UTRN: variants seen among roughly 807,000 people sequenced by gnomAD.
UTRN encodes dystrophin-related protein 1.
In UTRN, 283 loss-of-function variants were observed where a neutral mutation model predicts 463.9. The ratio of observed to expected loss-of-function variants is 0.61; its 90% CI spans 0.55 to 0.67. The LOEUF (loss-of-function observed/expected upper bound fraction) is 0.67, where lower values mean the gene tolerates loss of function less well. UTRN is among the 30% of genes least tolerant of loss of function. UTRN has a pLI of 0.00. For synonymous variants in UTRN, 1,442 were observed against 1,431.5 expected, an observed-to-expected ratio of 1.01 and a Z score of -0.17; for missense variants, 3,922 against 4,084.3, an observed-to-expected ratio of 0.96 and a Z score of 1.08.
chr6:144,448,394 A>T (rs1787905833), intron 16 of UTRN, among the ~76,000 whole-genome samples: 1 of 152,146 alleles, frequency 6.6e-6, no homozygotes, highest in African/African-American at 2.4e-5. Context: ...GGAGTGGGGA[A>T]TGGGGAGTGT....
chr6:144,556,924 A>T (rs1184064638), intron 49 of UTRN, among the ~76,000 whole-genome samples: 1 of 152,242 alleles, frequency 6.6e-6, no homozygotes. Context: ...AATGATAATA[A>T]TCTTGTAATA....
intron 54 of UTRN, among the ~76,000 whole-genome samples, chr6:144,732,342 CAT>C (rs1352750553): frequency 6.7e-6 from 1 of 149,954 alleles, no homozygotes; most frequent in East Asian, 2.0e-4. Flanking sequence ...CGTACATACT[CAT>C]GTGCACACAC....
At chr6:144,572,269 T>C (rs933791092) in intron 50 of UTRN, among the ~76,000 whole-genome samples, 1 of 152,142 alleles carries the variant, frequency 6.6e-6, no homozygotes, top group Non-Finnish European at 1.5e-5. Flanking sequence ...GCTTCTCATA[T>C]CTTCCTCCTT....
chr6:144,542,444 G>A (rs1798058133), intron 45 of UTRN, among the ~76,000 whole-genome samples: 1 of 152,122 alleles, frequency 6.6e-6, no homozygotes, highest in South Asian at 2.1e-4. Flanking sequence ...TGATGGATGG[G>A]CAGAGGAAAA....
chr6:144,345,431 T>C (rs1777484468), intron 2 of UTRN, among the ~76,000 whole-genome samples: 1 of 152,060 alleles, frequency 6.6e-6, no homozygotes, highest in African/African-American at 2.4e-5. Context: ...TCCAAGCACT[T>C]TGGGAGGCTG....
At chr6:144,398,071 G>C (rs976348960) in intron 2 of UTRN, 2 of 242,626 alleles carry the variant, frequency 8.2e-6, no homozygotes, top group East Asian at 1.0e-4. Context: ...TATGGCGTCC[G>C]TGCTCTGGAA....
chr6:144,825,975 C>T (rs1245991440), intron 66 of UTRN, among the ~76,000 whole-genome samples: 1 of 129,422 alleles, frequency 7.7e-6, no homozygotes, highest in Non-Finnish European at 1.5e-5. Flanking sequence ...GGAAGGGGAA[C>T]ATCACACACC....
At chr6:144,723,725 G>A (rs1181022380) in intron 53 of UTRN, among the ~76,000 whole-genome samples, 1 of 151,992 alleles carries the variant, frequency 6.6e-6, no homozygotes, top group Non-Finnish European at 1.5e-5. Context: ...AATTAGGCTG[G>A]GTGCAGTGGC....
intron 35 of UTRN, among the ~76,000 whole-genome samples, chr6:144,511,906 T>C (rs1176688397): frequency 6.6e-6 from 1 of 152,174 alleles, no homozygotes; most frequent in Non-Finnish European, 1.5e-5. Flanking sequence ...AATTCTGAAA[T>C]ACCTGAGATA....
intron 2 of UTRN, among the ~76,000 whole-genome samples, chr6:144,308,054 C>A (rs1805909244): frequency 6.6e-6 from 1 of 152,158 alleles, no homozygotes; most frequent in South Asian, 2.1e-4. Context: ...CAGCTGCAAT[C>A]TCCTGCCATC....
chr6:144,695,842 AG>A, intron 52 of UTRN, among the ~76,000 whole-genome samples: 1 of 152,308 alleles, frequency 6.6e-6, no homozygotes, highest in Non-Finnish European at 1.5e-5. Context: ...TACACTAATA[AG>A]TTCTCTGCTG....
At position 144,345,017 on chromosome 6, in the gene UTRN, C is replaced by G. The variant is rs142243094; in HGVS notation, c.79+53110C>G. 2.9e-3 allele frequency among the ~76,000 whole-genome samples: 441 copies of G among 152,234 alleles called. 5 individuals are homozygous for G. The highest frequency in any genetic ancestry group is 0.01 in the African/African-American group (416 of 41,530). ...ATGAGCTTTTGGAGGGGAAAAACCC[C>G]AAGTGATGTGTTTTATTCGATCATA... is the stretch of plus-strand genomic sequence containing the variant. On this transcript the variant is annotated intron_variant, in intron 2 of 74. Coordinates refer to ENST00000367545, the MANE Select transcript of UTRN (RefSeq NM_007124.3).
At chr6:144,705,581 C>T (rs1785005054) in intron 53 of UTRN, among the ~76,000 whole-genome samples, 1 of 152,126 alleles carries the variant, frequency 6.6e-6, no homozygotes, top group Non-Finnish European at 1.5e-5. Flanking sequence ...ATGACAGCTC[C>T]TCACTCATGC....
At chr6:144,598,671 C>T (rs988615263) in intron 51 of UTRN, among the ~76,000 whole-genome samples, 1 of 152,066 alleles carries the variant, frequency 6.6e-6, no homozygotes, top group Non-Finnish European at 1.5e-5. Flanking sequence ...TCTTTCAGGG[C>T]CTGCTATCTG....
intron 51 of UTRN, among the ~76,000 whole-genome samples, chr6:144,646,136 C>T (rs1778277942): frequency 6.6e-6 from 1 of 152,158 alleles, no homozygotes; most frequent in Non-Finnish European, 1.5e-5. Flanking sequence ...CAGACTTCTA[C>T]CCCCTCTACA....
intron 51 of UTRN, among the ~76,000 whole-genome samples, chr6:144,597,073 C>A (rs1394530050): frequency 1.3e-5 from 2 of 152,016 alleles, no homozygotes; most frequent in African/African-American, 4.8e-5. Context: ...CTTGTCTCTA[C>A]TGAAAGTGCA....
rs1803869039 is a variant in UTRN, at chr6:144,598,309, G to A, written c.7479+21021G>A. ...AACTTGAAGTGGCTTCCATGTCGTA[G>A]GAGGATTCAAAGATTTTCTGATTGG... On this transcript the variant is annotated intron_variant, in intron 51 of 74. Coordinates refer to ENST00000367545, the MANE Select transcript of UTRN (RefSeq NM_007124.3). Among the ~76,000 whole-genome samples the A allele has an allele frequency of 3.3e-5, 5 of 152,314 alleles. No individual in the cohort carries two copies. In the South Asian group the frequency reaches 1.0e-3, roughly 32 times the overall value.
rs111380252 is a variant in UTRN at position 144,375,610 on chromosome 6, T to G, written c.80-27513T>G. Among the ~76,000 whole-genome samples the G allele has an allele frequency of 8.4e-3, 1,284 of 152,356 alleles. 18 individuals carry two copies. Among genetic ancestry groups the G allele is most frequent in the African/African-American group, 0.029 (1,191 of 41,584 alleles). ...CCTTGTTTGAGTTGTCTTTGATTGC[T>G]ATATATCTGTACCCTTGTTTGCTTT... On this transcript the variant is annotated intron_variant, in intron 2 of 74. Transcript: ENST00000367545.
chr6:144,772,796 T>C (rs1794222282), intron 59 of UTRN, among the ~76,000 whole-genome samples: 1 of 152,212 alleles, frequency 6.6e-6, no homozygotes. Flanking sequence ...TAGTGCAATG[T>C]GGCTTTCAAC....
Sources: gnomAD v4.1 joint callset for allele counts (sites outside exome capture counted in the v4.1 genomes callset) on GRCh38, gnomAD v4.1.1 for gene constraint, MANE v1.5 for transcripts, NCBI Gene and HGNC (gene_info 2026-07-23, HGNC 2026-07-21) for gene names.